Variants in ZNRF3 observed in about 807,000 individuals in gnomAD.
The protein encoded by ZNRF3 is zinc and ring finger 3, also known as E3 ubiquitin-protein ligase ZNRF3.
A neutral mutation model predicts 72.5 loss-of-function variants in ZNRF3; 23 were observed. The ratio of observed to expected loss-of-function variants is 0.32; its 90% CI spans 0.23 to 0.45. The LOEUF is 0.45. Ranked by LOEUF, ZNRF3 falls within the 20% of genes least tolerant of loss-of-function variation. The pLI, the probability that ZNRF3 is intolerant of heterozygous loss-of-function variation, is 1.00. For missense variants in ZNRF3, 1,169 were observed against 1,272.1 expected (o/e 0.92, Z 1.23); for synonymous variants, 610 against 545.3 (o/e 1.12, Z -1.65).
intron 1 of ZNRF3, among the ~76,000 whole-genome samples, chr22:28,899,693 C>CTTT (rs1299023459): frequency 1.5e-5 from 2 of 132,760 alleles, no homozygotes; most frequent in African/African-American, 5.6e-5. Context: ...TTCTTTCTTT[C>CTTT]TTTTTTTTTT....
chr22:29,012,498 C>T (rs911082600), intron 2 of ZNRF3, among the ~76,000 whole-genome samples: 4 of 152,178 alleles, frequency 2.6e-5, no homozygotes, highest in African/African-American at 7.2e-5. Flanking sequence ...CTCTTTGGCC[C>T]TGGAAAGGCA....
At chr22:29,023,900 C>T (rs2036579715) in intron 2 of ZNRF3, among the ~76,000 whole-genome samples, 1 of 152,172 alleles carries the variant, frequency 6.6e-6, no homozygotes, top group Admixed American at 6.5e-5. Context: ...TCTACAATTA[C>T]CTGCTTATTT....
At chr22:28,957,721 G>C (rs2123800658) in intron 1 of ZNRF3, among the ~76,000 whole-genome samples, 1 of 152,040 alleles carries the variant, frequency 6.6e-6, no homozygotes, top group African/African-American at 2.4e-5. Context: ...TTACAGGTGT[G>C]AGCCACCACG....
At chr22:28,948,259 G>A (rs970716197) in intron 1 of ZNRF3, among the ~76,000 whole-genome samples, 1 of 151,948 alleles carries the variant, frequency 6.6e-6, no homozygotes, top group Non-Finnish European at 1.5e-5. Context: ...TGAATTCCTG[G>A]GCTCAAGTGA....
At chr22:28,893,435 G>A (rs1221721634) in intron 1 of ZNRF3, among the ~76,000 whole-genome samples, 2 of 151,776 alleles carry the variant, frequency 1.3e-5, no homozygotes, top group Non-Finnish European at 2.9e-5. Context: ...TGAGGCTGCA[G>A]TGAGCCTTGC....
chr22:29,039,217 C>T (rs1264795884), intron 2 of ZNRF3, among the ~76,000 whole-genome samples: 1 of 152,150 alleles, frequency 6.6e-6, no homozygotes, highest in African/African-American at 2.4e-5. Context: ...ACGTTCCGGG[C>T]GGAGCAGGGA....
chr22:29,053,764 C>G lies in ZNRF3; in HGVS notation c.*142C>G. 2 of 773,892 alleles carry G rather than the reference C, an allele frequency of 2.6e-6. No individual in the cohort carries two copies. Among genetic ancestry groups the G allele is most frequent in the Non-Finnish European group, 4.0e-6 (2 of 497,814 alleles). The allele number at this position is 773,892 out of a possible 1,614,324, so 47.9% of individuals were successfully genotyped here. A position where few individuals can be genotyped will look rare whatever the true frequency, so the allele number is the denominator to read the frequency against. On this transcript the variant is annotated 3_prime_UTR_variant, in exon 9 of 9. Transcript: ENST00000544604. ...ATAAAGAGAGCCCTCCTTGTCAACC[C>G]AAAATGTGAGCCCCCTGTGGCAAAA... is the stretch of plus-strand genomic sequence containing the variant.
rs57329565 is a variant in ZNRF3, at chr22:28,994,176, C to CTTTTTTT, written c.426+6996_426+7002dup. On this transcript the variant is annotated intron_variant, in intron 2 of 8. Transcript: ENST00000544604. The stretch of plus-strand genomic sequence containing the variant: ...TCCTTTATTGTCCTTCAGTTCCTTT[C>CTTTTTTT]TTTTTTTTTTTTTTTTTTTTTTTTT... Among the ~76,000 whole-genome samples the CTTTTTTT allele has an allele frequency of 1.4e-3, 56 of 39,806 alleles. 11 individuals are homozygous for CTTTTTTT. Among genetic ancestry groups the CTTTTTTT allele is most frequent in the African/African-American group, 3.2e-3 (29 of 8,976 alleles). 26.1% of individuals were successfully genotyped at this position (39,806 alleles called of 152,430 possible).
chr22:28,934,516 G>A (rs190762754), intron 1 of ZNRF3, among the ~76,000 whole-genome samples: 3 of 152,222 alleles, frequency 2.0e-5, no homozygotes, highest in Admixed American at 1.3e-4. Flanking sequence ...AATCTAAACA[G>A]CGAAAAAGTA....
intron 1 of ZNRF3, among the ~76,000 whole-genome samples, chr22:28,916,128 C>T (rs2034403717): frequency 6.6e-6 from 1 of 152,176 alleles, no homozygotes; most frequent in Non-Finnish European, 1.5e-5. Context: ...ATGGTGCCAT[C>T]ACAGCTCACT....
At chr22:28,937,491 A>G (rs2034861771) in intron 1 of ZNRF3, among the ~76,000 whole-genome samples, 1 of 152,042 alleles carries the variant, frequency 6.6e-6, no homozygotes, top group African/African-American at 2.4e-5. Context: ...TCATTGTTCT[A>G]TTATTGTGAC....
intron 2 of ZNRF3, 37 bp from the exon 3 acceptor site, chr22:29,042,458 C>T: frequency 6.2e-7 from 1 of 1,602,640 alleles, no homozygotes; most frequent in Non-Finnish European, 8.5e-7. Flanking sequence ...GGTAAGAGGA[C>T]CAGAGGGCCA....
In ZNRF3 at chr22:29,057,216, G is replaced by A. The variant is rs2037315982; in HGVS notation, c.*3594G>A. On this transcript the variant is annotated 3_prime_UTR_variant, in exon 9 of 9. Coordinates refer to ENST00000544604, the MANE Select transcript of ZNRF3 (RefSeq NM_001206998.2). The stretch of plus-strand genomic sequence containing the variant: ...CTTATGTATATTCTGTATATGTATA[G>A]CAGCACATTTCATTTATGGAAATAT... 1 of 152,042 alleles carries A rather than the reference G, an allele frequency of 6.6e-6. No individual in the cohort carries two copies. Among genetic ancestry groups the A allele is most frequent in the African/African-American group, 2.4e-5 (1 of 41,392 alleles). The allele number at this position is 152,042 out of a possible 1,614,324, so 9.4% of individuals were successfully genotyped here.
In ZNRF3 at chr22:28,958,175, G is replaced by C. The variant is rs186006839; in HGVS notation, c.301-28901G>C. Among the ~76,000 whole-genome samples the C allele has an allele frequency of 2.0e-5, 3 of 152,340 alleles. No individual in the cohort carries two copies. The South Asian group carries it at 6.2e-4, about 32-fold the overall frequency. ...TGCATGCCAGCCTGGGCAACAGAGC[G>C]AGACTCCGTCTCAAAAGAAAAGCAT... On this transcript the variant is annotated intron_variant, in intron 1 of 8. Coordinates refer to ENST00000544604, the MANE Select transcript of ZNRF3 (RefSeq NM_001206998.2).
intron 2 of ZNRF3, among the ~76,000 whole-genome samples, chr22:29,041,117 C>G (rs1386009310): frequency 6.6e-6 from 1 of 152,140 alleles, no homozygotes; most frequent in African/African-American, 2.4e-5. Flanking sequence ...AAGATTCAGG[C>G]TCCTAAAAGC....
intron 2 of ZNRF3, among the ~76,000 whole-genome samples, chr22:29,038,056 G>C (rs1157067740): frequency 6.6e-6 from 1 of 152,160 alleles, no homozygotes; most frequent in East Asian, 1.9e-4. Context: ...TATCCACCAG[G>C]CTGCATCTTT....
At chr22:28,950,690 G>C (rs961373398) in intron 1 of ZNRF3, among the ~76,000 whole-genome samples, 15 of 152,284 alleles carry the variant, frequency 9.9e-5, no homozygotes, top group African/African-American at 3.6e-4. Flanking sequence ...CTTATACTTA[G>C]AACGCTTGAC....
At chr22:29,035,035 A>G (rs1279014528) in intron 2 of ZNRF3, among the ~76,000 whole-genome samples, 1 of 130,304 alleles carries the variant, frequency 7.7e-6, no homozygotes, top group African/African-American at 3.0e-5. Flanking sequence ...AGACACACGG[A>G]GTCTTGCTAT....
intron 2 of ZNRF3, chr22:29,017,948 C>G (rs1351339451): frequency 1.9e-6 from 1 of 518,238 alleles, no homozygotes; most frequent in Non-Finnish European, 3.9e-6. Flanking sequence ...AATCAAGGGT[C>G]CAGGACAGCA....
Sources: gnomAD v4.1 joint callset for allele counts (sites outside exome capture counted in the v4.1 genomes callset) on GRCh38, gnomAD v4.1.1 for gene constraint, MANE v1.5 for transcripts, NCBI Gene and HGNC (gene_info 2026-07-23, HGNC 2026-07-21) for gene names.